The following NDUFAF5 variants were observed in gnomAD, a reference collection of about 807,000 sequenced individuals.
NDUFAF5 encodes NADH:ubiquinone oxidoreductase complex assembly factor 5, also known as arginine-hydroxylase NDUFAF5, mitochondrial.
NDUFAF5 carries 34 observed loss-of-function variants against 48.9 expected under a neutral mutation model. That is an observed-to-expected ratio of 0.70 (90% confidence interval 0.53 to 0.93). The LOEUF (loss-of-function observed/expected upper bound fraction) is 0.93, where lower values mean the gene tolerates loss of function less well. Ranked by LOEUF, NDUFAF5 falls within the 40% of genes least tolerant of loss-of-function variation. The pLI, the probability that NDUFAF5 is intolerant of heterozygous loss-of-function variation, is 0.00. For synonymous variants in NDUFAF5, 153 were observed against 150.6 expected (o/e 1.02, Z -0.12); for missense variants, 428 against 427.5 (o/e 1.00, Z -0.01).
intron 1 of NDUFAF5, among the ~76,000 whole-genome samples, chr20:13,786,139 G>T (rs906182924): frequency 2.0e-5 from 3 of 152,172 alleles, no homozygotes; most frequent in African/African-American, 7.2e-5. Flanking sequence ...TCAAGTTCAG[G>T]CCTCAGTAAA....
At chr20:13,807,980 C>T (rs6079181) in intron 7 of NDUFAF5, among the ~76,000 whole-genome samples, 25,362 of 151,938 alleles carry the variant, frequency 0.17, 2,705 homozygotes, top group Non-Finnish European at 0.24. Flanking sequence ...AGGCTAGTTT[C>T]CAATAAGAAT....
chr20:13,805,392 G>A (rs1293287089), intron 7 of NDUFAF5, among the ~76,000 whole-genome samples: 1 of 152,122 alleles, frequency 6.6e-6, no homozygotes, highest in African/African-American at 2.4e-5. Context: ...TGTTTAACCT[G>A]ATGTTAAAAT....
intron 7 of NDUFAF5, chr20:13,803,306 C>G (rs537307657): frequency 6.6e-6 from 1 of 152,224 alleles, no homozygotes; most frequent in East Asian, 1.9e-4. Context: ...TTTTAAATGG[C>G]CTGAGTCCAT....
chr20:13,816,919 A>G lies in NDUFAF5; in HGVS notation c.907A>G (p.Ile303Val). The change falls in exon 10 of 11, where the codon ATC (isoleucine) becomes GTC (valine). Residue 303 changes from isoleucine to valine, a missense_variant. Physicochemically the swap from Ile to Val is conservative, Grantham distance 29. Coordinates refer to ENST00000378106, the MANE Select transcript of NDUFAF5 (RefSeq NM_024120.5). ...EDGSVPATYQ[I>V]YYMIGWKYHE... is the part of the protein sequence containing the mutation. ...TGGTTCAGTACCTGCTACATACCAG[A>G]TCTATTACATGATAGGATGGAAATA... is the stretch of plus-strand genomic sequence containing the variant. 6.2e-7 allele frequency: 1 copy of G among 1,610,058 alleles called. No individual in the cohort carries two copies.
At position 13,794,934 on chromosome 20, in the gene NDUFAF5, A is replaced by G. The variant is rs1470961527; in HGVS notation, c.472A>G (p.Ser158Gly). 2.4e-5 allele frequency: 39 copies of G among 1,603,174 alleles called. No individual in the cohort carries two copies. The highest frequency in any genetic ancestry group is 3.1e-5 in the Non-Finnish European group (36 of 1,170,172). Reference protein sequence around the residue: ...KENTFDLVVSSLSLHWVNDLP... With the variant: ...KENTFDLVVSGLSLHWVNDLP... ...AAATACATTTGACCTGGTGGTTAGC[A>G]GTTTAAGGTTGGTAATCCACTTTTT... Residue 158 changes from serine to glycine, a missense_variant, in exon 5 of 11, where the codon AGT becomes GGT. Ser to Gly is a moderately conservative substitution (Grantham distance 56, BLOSUM62 0). Coordinates refer to ENST00000378106, the MANE Select transcript of NDUFAF5 (RefSeq NM_024120.5).
In NDUFAF5 at chr20:13,785,056, G is replaced by T; in HGVS notation, c.-13G>T. ...CGCACAAAAAGCGCCGGCAATTGGG[G>T]TCGCAGCTGGAGATGCTGCGGCCGG... On this transcript the variant is annotated 5_prime_UTR_variant, in exon 1 of 11. Transcript: ENST00000378106. The T allele has an allele frequency of 1.2e-6, 2 of 1,606,808 alleles. No individual in the cohort carries two copies. Among genetic ancestry groups the T allele is most frequent in the Non-Finnish European group, 1.7e-6 (2 of 1,178,010 alleles).
In NDUFAF5 at chr20:13,816,932, T is replaced by G. The variant is rs755356624; in HGVS notation, c.920T>G (p.Ile307Arg). The G allele has an allele frequency of 3.1e-6, 5 of 1,609,656 alleles. No homozygotes were observed. In the East Asian group the frequency reaches 1.1e-4, roughly 36 times the overall value. The part of the protein sequence containing the change: ...VPATYQIYYM[I>R]GWKYHESQAR... ...GCTACATACCAGATCTATTACATGA[T>G]AGGATGGAAATATCATGAGTCACAG... The change falls in exon 10 of 11, where the codon ATA becomes AGA. Residue 307 changes from isoleucine to arginine, a missense_variant. Ile to Arg is a moderately conservative substitution (Grantham distance 97). Transcript: ENST00000378106.
At chr20:13,803,337 T>C (rs1387356356) in intron 7 of NDUFAF5, 1 of 152,204 alleles carries the variant, frequency 6.6e-6, no homozygotes, top group Non-Finnish European at 1.5e-5. Context: ...TCCTGAGAGG[T>C]TGCTCGGCTA....
At chr20:13,795,373 A>T (rs896742305) in intron 5 of NDUFAF5, among the ~76,000 whole-genome samples, 2 of 152,246 alleles carry the variant, frequency 1.3e-5, no homozygotes, top group Admixed American at 6.5e-5. Flanking sequence ...GGGAAAAAAA[A>T]GTTGAGGCAC....
rs914372013 is a variant in NDUFAF5 at position 13,817,696 on chromosome 20, C to T, written c.*486C>T. ...ATTTAACCTTATTTCTTTTTTATCT[C>T]CATGGTGTGGGTGGGACCACCATGG... On this transcript the variant is annotated 3_prime_UTR_variant, in exon 11 of 11. Transcript: ENST00000378106. 4.4e-6 allele frequency: 2 copies of T among 453,958 alleles called. No homozygotes were observed. The highest frequency in any genetic ancestry group is 3.1e-5 in the South Asian group (2 of 64,470). 28.1% of individuals were successfully genotyped at this position (453,958 alleles called of 1,614,324 possible).
intron 8 of NDUFAF5, among the ~76,000 whole-genome samples, chr20:13,809,808 T>G (rs1028638800): frequency 2.0e-5 from 3 of 152,160 alleles, no homozygotes; most frequent in African/African-American, 7.2e-5. Flanking sequence ...GAGAAGCAGA[T>G]TCATCCCAGA....
At chr20:13,794,740 T>A in intron 4 of NDUFAF5, 98 bp from the exon 5 acceptor site, 2 of 839,476 alleles carry the variant, frequency 2.4e-6, no homozygotes, top group Non-Finnish European at 4.0e-6. Context: ...AACTGCCAAG[T>A]AAATATAACA....
intron 7 of NDUFAF5, among the ~76,000 whole-genome samples, chr20:13,802,395 G>A (rs987567169): frequency 3.9e-5 from 6 of 152,144 alleles, no homozygotes; most frequent in Non-Finnish European, 8.8e-5. Flanking sequence ...GTGGCTGGGT[G>A]CGGTGGCTCA....
intron 5 of NDUFAF5, among the ~76,000 whole-genome samples, chr20:13,796,342 A>G (rs1983210326): frequency 6.6e-6 from 1 of 152,204 alleles, no homozygotes. Context: ...TTGGTCTATA[A>G]AGAACCCTGG....
chr20:13,793,248 G>C (rs780371786), intron 4 of NDUFAF5, 21 bp downstream of exon 4: 12 of 1,587,250 alleles, frequency 7.6e-6, no homozygotes, highest in Non-Finnish European at 1.7e-6. Flanking sequence ...TTTTAATACT[G>C]TTGGTTTCTA....
chr20:13,810,706 G>T (rs1426895409), intron 8 of NDUFAF5, among the ~76,000 whole-genome samples: 1 of 152,042 alleles, frequency 6.6e-6, no homozygotes, highest in East Asian at 1.9e-4. Context: ...AGAGAGAAAA[G>T]ATAATTGATG....
chr20:13,814,021 T>G lies in NDUFAF5; in HGVS notation c.779-2442T>G, dbSNP rs78305022. 1,841 of 188,820 alleles carry G rather than the reference T, an allele frequency of 9.8e-3. 39 individuals are homozygous for G. The highest frequency in any genetic ancestry group is 0.042 in the African/African-American group (1,755 of 42,130). 11.7% of individuals were successfully genotyped at this position (188,820 alleles called of 1,614,324 possible). ...CCAGCATTGTTTATGAGGCATAGTT[T>G]ATGAGGAAGGGAAGACTAGAGCTAA... is the stretch of plus-strand genomic sequence containing the variant. On this transcript the variant is annotated intron_variant, in intron 8 of 10. Coordinates refer to ENST00000378106, the MANE Select transcript of NDUFAF5 (RefSeq NM_024120.5).
chr20:13,801,547 T>C lies in NDUFAF5; in HGVS notation c.581T>C (p.Leu194Pro). 1 of 1,614,068 alleles carries C rather than the reference T, an allele frequency of 6.2e-7. No homozygotes were observed. Among genetic ancestry groups the C allele is most frequent in the South Asian group, 1.1e-5 (1 of 91,078 alleles). ...FIGAMFGGDT[L>P]YELRCSLQLA... ...GGTGCAATGTTTGGAGGCGACACAC[T>C]CTATGAACTTCGGTGTTCCTTACAG... is the stretch of plus-strand genomic sequence containing the variant. Residue 194 changes from leucine to proline, a missense_variant, in exon 7 of 11, where the codon CTC becomes CCC. Physicochemically the swap from Leu to Pro is moderately conservative, Grantham distance 98. Transcript: ENST00000378106.
At chr20:13,805,273 GA>G (rs1244669948) in intron 7 of NDUFAF5, among the ~76,000 whole-genome samples, 2 of 151,970 alleles carry the variant, frequency 1.3e-5, no homozygotes, top group African/African-American at 4.8e-5. Context: ...TGCCCATTAC[GA>G]AAAAAATGGG....
Sources: allele counts gnomAD v4.1 joint callset (sites outside exome capture counted in the v4.1 genomes callset), GRCh38; gene constraint gnomAD v4.1.1; transcripts MANE v1.5; gene names NCBI Gene and HGNC (gene_info 2026-07-23, HGNC 2026-07-21).